The following ELF1 variants were observed in gnomAD, a reference collection of about 807,000 sequenced individuals.
ELF1 encodes the protein ETS-related transcription factor Elf-1.
A neutral mutation model predicts 59.9 loss-of-function variants in ELF1; 24 were observed. The observed-to-expected ratio is 0.40, with a 90% CI of 0.29 to 0.56. The LOEUF (loss-of-function observed/expected upper bound fraction) is 0.56. Ranked by LOEUF, ELF1 falls within the 20% of genes least tolerant of loss-of-function variation. ELF1 has a pLI of 0.44. For synonymous variants in ELF1, 248 were observed against 266.2 expected, an observed-to-expected ratio of 0.93 and a Z score of 0.67; for missense variants, 627 against 742.2, an observed-to-expected ratio of 0.84 and a Z score of 1.80.
chr13:41,051,802 T>C (rs1328086668), intron 1 of ELF1, among the ~76,000 whole-genome samples: 1 of 152,168 alleles, frequency 6.6e-6, no homozygotes, highest in African/African-American at 2.4e-5. Flanking sequence ...GTGTATTCAA[T>C]AGTGATTAGT....
chr13:41,028,463 C>T (rs953570948), intron 1 of ELF1, among the ~76,000 whole-genome samples: 7 of 152,194 alleles, frequency 4.6e-5, no homozygotes, highest in Non-Finnish European at 1.0e-4. Context: ...TAAAGAACCA[C>T]GACCAGCTAA....
At chr13:41,027,049 A>C (rs1875968709) in intron 1 of ELF1, among the ~76,000 whole-genome samples, 1 of 152,174 alleles carries the variant, frequency 6.6e-6, no homozygotes, top group African/African-American at 2.4e-5. Context: ...CCAGTCACGA[A>C]ATCTTCCCAG....
chr13:41,024,512 G>A (rs1187664881), intron 1 of ELF1, among the ~76,000 whole-genome samples: 1 of 151,986 alleles, frequency 6.6e-6, no homozygotes, highest in Non-Finnish European at 1.5e-5. Context: ...TTGTATTTCT[G>A]GCTAATTTTG....
At chr13:41,012,636 T>C (rs1875141390) in intron 1 of ELF1, among the ~76,000 whole-genome samples, 1 of 151,558 alleles carries the variant, frequency 6.6e-6, no homozygotes, top group Non-Finnish European at 1.5e-5. Flanking sequence ...CATTAACTCC[T>C]GGGCTCAAGC....
chr13:40,970,356 GAA>G (rs1872456037), intron 2 of ELF1, among the ~76,000 whole-genome samples: 1 of 150,698 alleles, frequency 6.6e-6, no homozygotes, highest in Admixed American at 6.7e-5. Flanking sequence ...TATCACAGGT[GAA>G]AGATTCTAAT....
intron 1 of ELF1, among the ~76,000 whole-genome samples, chr13:40,984,723 T>C (rs1052455183): frequency 1.3e-5 from 2 of 152,240 alleles, no homozygotes; most frequent in Non-Finnish European, 2.9e-5. Context: ...TGTTTGCTGA[T>C]ACAGAAGTTT....
chr13:41,027,342 C>A (rs866724081), intron 1 of ELF1, among the ~76,000 whole-genome samples: 1 of 152,208 alleles, frequency 6.6e-6, no homozygotes, highest in South Asian at 2.1e-4. Context: ...GATAGCATGA[C>A]CTGTTTTATG....
intron 1 of ELF1, among the ~76,000 whole-genome samples, chr13:41,000,984 T>C (rs1220198160): frequency 2.6e-5 from 4 of 151,742 alleles, no homozygotes; most frequent in Admixed American, 2.6e-4. Context: ...AACACTTTTT[T>C]TTTTTTTTCT....
In ELF1 at chr13:40,982,903, A is replaced by G. The variant is rs1429933518; in HGVS notation, c.-228-621T>C. Reference sequence around the variant, plus strand: ...GTGGCTTCTTTTTTAATGCACTGAAATGTATCCTTATCTCTAGTATAGGCT... The same window carrying G: ...GTGGCTTCTTTTTTAATGCACTGAAGTGTATCCTTATCTCTAGTATAGGCT... On this transcript the variant is annotated intron_variant, in intron 1 of 8. Coordinates refer to ENST00000239882, the MANE Select transcript of ELF1 (RefSeq NM_172373.4). 4 of 984,502 alleles carry G rather than the reference A, an allele frequency of 4.1e-6. No individual in the cohort carries two copies. The East Asian group carries it at 4.5e-4, about 112-fold the overall frequency. The allele number at this position is 984,502 out of a possible 1,614,324, so 61.0% of individuals were successfully genotyped here. A position where few individuals can be genotyped will look rare whatever the true frequency, so the allele number is the denominator to read the frequency against.
intron 1 of ELF1, among the ~76,000 whole-genome samples, chr13:40,997,326 C>T (rs756937094): frequency 6.6e-6 from 1 of 151,734 alleles, no homozygotes; most frequent in Non-Finnish European, 1.5e-5. Context: ...GGTGCAATCT[C>T]GGCTCACTGC....
intron 1 of ELF1, among the ~76,000 whole-genome samples, chr13:40,995,774 A>G (rs1216792226): frequency 6.6e-6 from 1 of 152,180 alleles, no homozygotes; most frequent in Non-Finnish European, 1.5e-5. Context: ...CCTAGAACAT[A>G]GCATAGGAGA....
intron 1 of ELF1, among the ~76,000 whole-genome samples, chr13:40,997,689 A>G (rs1874199620): frequency 6.6e-6 from 1 of 152,104 alleles, no homozygotes; most frequent in South Asian, 2.1e-4. Flanking sequence ...ACCACACTCA[A>G]TATCCTCTTT....
chr13:40,996,760 A>G (rs1812626354), intron 1 of ELF1, among the ~76,000 whole-genome samples: 1 of 152,130 alleles, frequency 6.6e-6, no homozygotes, highest in African/African-American at 2.4e-5. Flanking sequence ...TGAATCTAAA[A>G]TGGCTCTAAA....
intron 3 of ELF1, among the ~76,000 whole-genome samples, chr13:40,954,679 AC>A (rs1404695029): frequency 6.6e-6 from 1 of 152,056 alleles, no homozygotes; most frequent in Non-Finnish European, 1.5e-5. Flanking sequence ...CCAGCTCCTA[AC>A]CGCGAGTGAT....
chr13:41,016,705 G>A (rs1451087944), intron 1 of ELF1, among the ~76,000 whole-genome samples: 3 of 151,170 alleles, frequency 2.0e-5, no homozygotes, highest in East Asian at 1.9e-4. Flanking sequence ...ACCCAAGGTC[G>A]GGAGTTCAGG....
Position 40,976,789 on chromosome 13 carries a change from C to T in ELF1, c.72+5194G>A, listed in dbSNP as rs191453646. ...TCCTGCTCTCATGTGATATACACCA[C>T]CCGCTTTGGCCTCCCAAAGTGCTGG... On this transcript the variant is annotated intron_variant, in intron 2 of 8. Coordinates refer to ENST00000239882, the MANE Select transcript of ELF1 (RefSeq NM_172373.4). 2.6e-3 allele frequency among the ~76,000 whole-genome samples: 389 copies of T among 152,274 alleles called. 4 individuals are homozygous for T. In the East Asian group the frequency reaches 0.05, roughly 19 times the overall value.
chr13:41,051,608 C>T (rs571261141), intron 1 of ELF1, among the ~76,000 whole-genome samples: 3 of 152,244 alleles, frequency 2.0e-5, no homozygotes, highest in Non-Finnish European at 4.4e-5. Flanking sequence ...TATATCAACA[C>T]ATTCTAAATC....
intron 1 of ELF1, among the ~76,000 whole-genome samples, chr13:41,047,092 C>T (rs948033441): frequency 2.6e-5 from 4 of 152,182 alleles, no homozygotes; most frequent in African/African-American, 7.2e-5. Flanking sequence ...CTTGTGCATT[C>T]GTCACGTAGT....
chr13:40,937,610 C>T (rs1355187957), intron 8 of ELF1, among the ~76,000 whole-genome samples: 1 of 151,832 alleles, frequency 6.6e-6, no homozygotes, highest in Non-Finnish European at 1.5e-5. Context: ...GCTGGGATTA[C>T]AGGCGCCCGC....
Sources: gnomAD v4.1 joint callset for allele counts (sites outside exome capture counted in the v4.1 genomes callset) on GRCh38, gnomAD v4.1.1 for gene constraint, MANE v1.5 for transcripts, NCBI Gene and HGNC (gene_info 2026-07-23, HGNC 2026-07-21) for gene names.